Variants in SPAG17 observed in about 807,000 individuals in gnomAD.
SPAG17 encodes the protein sperm associated antigen 17.
Under a neutral mutation model 273.6 loss-of-function variants are expected in SPAG17, and 169 were observed. The observed-to-expected ratio is 0.62, with a 90% CI of 0.55 to 0.70. SPAG17 has a LOEUF of 0.70. Ranked by LOEUF, SPAG17 falls within the 30% of genes least tolerant of loss-of-function variation. The pLI is 0.00. For missense variants in SPAG17, 2,557 were observed against 2,627.8 expected (o/e 0.97, Z 0.59); for synonymous variants, 825 against 873.2 (o/e 0.94, Z 0.97).
intron 3 of SPAG17, among the ~76,000 whole-genome samples, chr1:118,127,740 A>T (rs1026913423): frequency 1.3e-5 from 2 of 152,194 alleles, no homozygotes; most frequent in Non-Finnish European, 2.9e-5. Flanking sequence ...TGAACAAAGG[A>T]TATCTTTTCT....
At chr1:117,995,548 C>T (rs890793410) in intron 34 of SPAG17, among the ~76,000 whole-genome samples, 4 of 151,940 alleles carry the variant, frequency 2.6e-5, no homozygotes, top group Non-Finnish European at 5.9e-5. Context: ...AGTCAGAGTC[C>T]CCCATATTCC....
chr1:118,028,155 C>T, intron 26 of SPAG17, 119 bp downstream of exon 26: 1 of 1,184,262 alleles, frequency 8.4e-7, no homozygotes, highest in Non-Finnish European at 1.2e-6. Context: ...AATGTGAAAA[C>T]AGTCTATTGT....
At chr1:118,012,154 G>T in intron 30 of SPAG17, 74 bp downstream of exon 30, 1 of 1,448,968 alleles carries the variant, frequency 6.9e-7, no homozygotes, top group Non-Finnish European at 9.5e-7. Flanking sequence ...ATGTTCAGCA[G>T]TCAGTGAGGA....
chr1:118,041,949 TC>T lies in SPAG17; in HGVS notation c.2907del (p.Gly971AlafsTer13). ...AEKKGKEAGK[K>X]KGKDNAEKED... Reference sequence around the variant, plus strand: ...TCTTTCTCTGCGTTATCCTTGCCTTTCTTTTTACCAGCTTCTTTACCCTTCT... The same window carrying T: ...TCTTTCTCTGCGTTATCCTTGCCTTTTTTTTACCAGCTTCTTTACCCTTCT... On this transcript the variant is annotated frameshift_variant, in exon 21 of 49. Coordinates refer to ENST00000336338, the MANE Select transcript of SPAG17 (RefSeq NM_206996.4). LOFTEE classifies it high-confidence loss of function. The T allele has an allele frequency of 1.9e-6, 3 of 1,614,018 alleles. No homozygotes were observed. Among genetic ancestry groups the T allele is most frequent in the Non-Finnish European group, 2.5e-6 (3 of 1,179,926 alleles).
At chr1:117,957,613 G>C (rs1035889319) in intron 48 of SPAG17, among the ~76,000 whole-genome samples, 2 of 152,124 alleles carry the variant, frequency 1.3e-5, no homozygotes, top group African/African-American at 4.8e-5. Flanking sequence ...TGGCCCGCAG[G>C]CCACATGTGG....
chr1:118,162,397 A>C (rs1018599051), intron 1 of SPAG17, among the ~76,000 whole-genome samples: 3 of 152,222 alleles, frequency 2.0e-5, no homozygotes, highest in East Asian at 1.9e-4. Flanking sequence ...AATAATACTT[A>C]GAGCAGAAAG....
At chr1:118,015,865 C>T in intron 29 of SPAG17, 100 bp downstream of exon 29, 2 of 1,031,794 alleles carry the variant, frequency 1.9e-6, no homozygotes, top group South Asian at 1.6e-5. Flanking sequence ...ACTTAACAGA[C>T]ATTTATTGAA....
At chr1:117,996,267 G>T in intron 34 of SPAG17, 103 bp downstream of exon 34, 2 of 1,379,440 alleles carry the variant, frequency 1.4e-6, no homozygotes, top group Non-Finnish European at 9.7e-7. Context: ...AGAAAAGTGA[G>T]CAAAGCGGAA....
Position 117,972,351 on chromosome 1 carries a change from G to A in SPAG17, c.6142-304C>T, listed in dbSNP as rs150794730. ...CTGTGCTCTTTCATCTGTGCCAGTG[G>A]TCATCAAACGTTAGCTTCCATCAGA... On this transcript the variant is annotated intron_variant, in intron 44 of 48. Coordinates refer to ENST00000336338, the MANE Select transcript of SPAG17 (RefSeq NM_206996.4). Among the ~76,000 whole-genome samples the A allele has an allele frequency of 1.8e-4, 28 of 152,354 alleles. No homozygotes were observed. In the East Asian group the frequency reaches 4.2e-3, roughly 23 times the overall value.
intron 32 of SPAG17, among the ~76,000 whole-genome samples, chr1:118,001,814 C>T (rs1658318746): frequency 6.6e-6 from 1 of 152,140 alleles, no homozygotes; most frequent in South Asian, 2.1e-4. Context: ...TTTTGTGTCG[C>T]TATCTCTTTC....
At chr1:118,178,060 T>C (rs1660777254) in intron 1 of SPAG17, among the ~76,000 whole-genome samples, 1 of 152,100 alleles carries the variant, frequency 6.6e-6, no homozygotes, top group Non-Finnish European at 1.5e-5. Context: ...CTTCCAAACC[T>C]ACTCTGTGAT....
At chr1:118,145,153 C>T (rs1658904176) in intron 3 of SPAG17, among the ~76,000 whole-genome samples, 1 of 152,184 alleles carries the variant, frequency 6.6e-6, no homozygotes, top group African/African-American at 2.4e-5. Context: ...CTTCAAACCT[C>T]TTAAATGTTT....
At chr1:118,071,805 A>G (rs1024437847) in intron 17 of SPAG17, among the ~76,000 whole-genome samples, 1 of 152,212 alleles carries the variant, frequency 6.6e-6, no homozygotes, top group Non-Finnish European at 1.5e-5. Context: ...AACTAAAAGA[A>G]AAAAGAAAGG....
At chr1:118,099,570 T>C (rs751229750) in intron 6 of SPAG17, 36 bp downstream of exon 6, 5 of 1,578,920 alleles carry the variant, frequency 3.2e-6, no homozygotes, top group Admixed American at 3.4e-5. Flanking sequence ...TGGGTAATAT[T>C]GAAGGACTCA....
At chr1:118,148,830 AG>A (rs1214533979) in intron 3 of SPAG17, among the ~76,000 whole-genome samples, 1 of 152,188 alleles carries the variant, frequency 6.6e-6, no homozygotes, top group Non-Finnish European at 1.5e-5. Flanking sequence ...GCAGCTCTGC[AG>A]GGGTTGCCAG....
At chr1:117,964,691 G>A (rs947099842) in intron 47 of SPAG17, 1 of 152,092 alleles carries the variant, frequency 6.6e-6, no homozygotes, top group African/African-American at 2.4e-5. Flanking sequence ...TTTATGTATT[G>A]TCTGTCCTCC....
At chr1:118,103,204 C>T (rs540914490) in intron 4 of SPAG17, among the ~76,000 whole-genome samples, 5 of 152,192 alleles carry the variant, frequency 3.3e-5, no homozygotes, top group South Asian at 2.1e-4. Flanking sequence ...CCAGGGAAAC[C>T]GCTCCATGCC....
intron 4 of SPAG17, among the ~76,000 whole-genome samples, chr1:118,108,951 CCTT>C (rs1259301419): frequency 1.3e-5 from 2 of 152,026 alleles, no homozygotes; most frequent in African/African-American, 4.8e-5. Context: ...AAAAAATTCT[CCTT>C]CTCTATAATA....
At chr1:118,085,514 G>A (rs376981179) in intron 13 of SPAG17, among the ~76,000 whole-genome samples, 6 of 152,258 alleles carry the variant, frequency 3.9e-5, no homozygotes, top group African/African-American at 1.2e-4. Flanking sequence ...GCGTGCATGC[G>A]TGCGTGCATA....
Sources: gnomAD v4.1 joint callset for allele counts (sites outside exome capture counted in the v4.1 genomes callset) on GRCh38, gnomAD v4.1.1 for gene constraint, MANE v1.5 for transcripts, NCBI Gene and HGNC (gene_info 2026-07-23, HGNC 2026-07-21) for gene names.